Variants in MFHAS1 observed in about 807,000 individuals in gnomAD.
MFHAS1 encodes multifunctional ROCO family signaling regulator 1.
Under a neutral mutation model 70.4 loss-of-function variants are expected in MFHAS1, and 50 were observed. That is an observed-to-expected ratio of 0.71 (90% CI 0.57 to 0.90). The LOEUF (loss-of-function observed/expected upper bound fraction) is 0.90, where lower values mean the gene tolerates loss of function less well. Ranked by LOEUF, MFHAS1 falls within the 40% of genes least tolerant of loss-of-function variation. MFHAS1 has a pLI of 0.00. For synonymous variants in MFHAS1, 952 were observed against 620.0 expected (o/e 1.54, Z -7.96); for missense variants, 1,795 against 1,347.6 (o/e 1.33, Z -5.20).
intron 1 of MFHAS1, among the ~76,000 whole-genome samples, chr8:8,807,259 T>A (rs111576536): frequency 6.6e-6 from 1 of 152,040 alleles, no homozygotes; most frequent in Non-Finnish European, 1.5e-5. Flanking sequence ...TGGAATCTCA[T>A]TATCTCAGAA....
chr8:8,831,151 C>T (rs1358055406), intron 1 of MFHAS1, among the ~76,000 whole-genome samples: 1 of 151,776 alleles, frequency 6.6e-6, no homozygotes, highest in East Asian at 1.9e-4. Context: ...AGTGGGCTCT[C>T]GGGGGTCTCT....
intron 1 of MFHAS1, among the ~76,000 whole-genome samples, chr8:8,806,683 G>A (rs544972878): frequency 6.6e-5 from 10 of 152,058 alleles, no homozygotes; most frequent in Non-Finnish European, 1.0e-4. Flanking sequence ...GAAAGGGGCC[G>A]GGTCCGGTGA....
chr8:8,818,683 T>A (rs2117297702), intron 1 of MFHAS1, among the ~76,000 whole-genome samples: 1 of 152,356 alleles, frequency 6.6e-6, no homozygotes, highest in South Asian at 2.1e-4. Flanking sequence ...AATGTTGACT[T>A]CCTTCCTCAC....
chr8:8,848,113 C>T (rs973718636), intron 1 of MFHAS1, among the ~76,000 whole-genome samples: 31 of 152,324 alleles, frequency 2.0e-4, no homozygotes, highest in African/African-American at 7.0e-4. Context: ...GCTTTCCACC[C>T]AGCCCGCCCA....
intron 1 of MFHAS1, among the ~76,000 whole-genome samples, chr8:8,803,415 G>A (rs1273367231): frequency 6.6e-6 from 1 of 151,734 alleles, no homozygotes; most frequent in Non-Finnish European, 1.5e-5. Flanking sequence ...TACCTGGGAG[G>A]CTGAGGCAGA....
intron 2 of MFHAS1, among the ~76,000 whole-genome samples, chr8:8,792,032 G>A (rs1342796668): frequency 2.0e-5 from 3 of 152,116 alleles, no homozygotes; most frequent in African/African-American, 7.2e-5. Flanking sequence ...ACGGTCAGGA[G>A]ATCGAGACCA....
At chr8:8,787,159 C>G (rs1416227448) in intron 2 of MFHAS1, among the ~76,000 whole-genome samples, 1 of 151,690 alleles carries the variant, frequency 6.6e-6, no homozygotes, top group South Asian at 2.1e-4. Context: ...CGGCTCACTG[C>G]AAGCTCCGCC....
At chr8:8,794,817 G>C (rs1805836323) in intron 2 of MFHAS1, among the ~76,000 whole-genome samples, 1 of 152,168 alleles carries the variant, frequency 6.6e-6, no homozygotes, top group Admixed American at 6.5e-5. Context: ...CTCGGCATTT[G>C]GATGTCTGGC....
At chr8:8,865,674 G>A (rs1808829338) in intron 1 of MFHAS1, among the ~76,000 whole-genome samples, 1 of 152,152 alleles carries the variant, frequency 6.6e-6, no homozygotes, top group South Asian at 2.1e-4. Context: ...TCAAGGTGAG[G>A]CTCCTATAAC....
intron 1 of MFHAS1, among the ~76,000 whole-genome samples, chr8:8,828,178 G>A (rs903310969): frequency 5.9e-5 from 9 of 152,302 alleles, no homozygotes; most frequent in East Asian, 1.9e-4. Context: ...AAGGGAACTC[G>A]TCAATCATTT....
At chr8:8,870,379 T>C (rs1477810978) in intron 1 of MFHAS1, among the ~76,000 whole-genome samples, 1 of 151,356 alleles carries the variant, frequency 6.6e-6, no homozygotes, top group Admixed American at 6.6e-5. Context: ...AGTGGAAGGA[T>C]AGCTTGAGCC....
At chr8:8,841,198 G>A (rs1175716374) in intron 1 of MFHAS1, among the ~76,000 whole-genome samples, 2 of 152,164 alleles carry the variant, frequency 1.3e-5, no homozygotes, top group East Asian at 3.8e-4. Flanking sequence ...TTTTGGGTCG[G>A]GCGTGGTGGC....
chr8:8,854,914 G>C (rs1808380296), intron 1 of MFHAS1, among the ~76,000 whole-genome samples: 1 of 151,854 alleles, frequency 6.6e-6, no homozygotes, highest in South Asian at 2.1e-4. Flanking sequence ...TTGTTTGTTT[G>C]TTTCTTTGTT....
intron 1 of MFHAS1, among the ~76,000 whole-genome samples, chr8:8,827,603 C>T (rs1045482039): frequency 2.6e-5 from 4 of 152,228 alleles, no homozygotes; most frequent in Admixed American, 2.6e-4. Context: ...TCTAAGACTT[C>T]TTTCCATGTG....
At chr8:8,872,244 C>G (rs1283843225) in intron 1 of MFHAS1, among the ~76,000 whole-genome samples, 8 of 152,198 alleles carry the variant, frequency 5.3e-5, no homozygotes, top group Non-Finnish European at 5.9e-5. Context: ...TCTTTTCTAA[C>G]AAAGAGGAAT....
intron 1 of MFHAS1, among the ~76,000 whole-genome samples, chr8:8,846,832 G>A (rs560607580): frequency 5.9e-5 from 9 of 151,900 alleles, no homozygotes; most frequent in Admixed American, 3.3e-4. Flanking sequence ...GACCCACCCC[G>A]CCCATCATTC....
intron 1 of MFHAS1, among the ~76,000 whole-genome samples, chr8:8,865,276 C>CAAA (rs35910015): frequency 3.7e-3 from 239 of 64,542 alleles, no homozygotes; most frequent in Middle Eastern, 0.013. Flanking sequence ...GACTCCATCT[C>CAAA]AAAAAAAAAA....
chr8:8,797,150 TAAAA>T (rs11355520), intron 2 of MFHAS1, among the ~76,000 whole-genome samples: 2 of 141,516 alleles, frequency 1.4e-5, no homozygotes, highest in African/African-American at 2.6e-5. Flanking sequence ...TTAGCTAAAG[TAAAA>T]AAAAAAAAAA....
chr8:8,827,788 TG>T (rs1563192458), intron 1 of MFHAS1, among the ~76,000 whole-genome samples: 1 of 152,278 alleles, frequency 6.6e-6, no homozygotes, highest in Non-Finnish European at 1.5e-5. Flanking sequence ...TGACACGCTT[TG>T]GGGGGAAAAA....
Sources: allele counts gnomAD v4.1 joint callset (sites outside exome capture counted in the v4.1 genomes callset), GRCh38; gene constraint gnomAD v4.1.1; transcripts MANE v1.5; gene names NCBI Gene and HGNC (gene_info 2026-07-23, HGNC 2026-07-21).